The following CALN1 variants were observed in gnomAD, a reference collection of about 807,000 sequenced individuals.
CALN1 encodes the protein calneuron 1.
In CALN1, 17 loss-of-function variants were observed where a neutral mutation model predicts 30.6. The observed-to-expected ratio is 0.56, with a 90% CI of 0.38 to 0.83. The LOEUF is 0.83. CALN1 is among the 40% of genes least tolerant of loss of function. The pLI is 0.00. For synonymous variants in CALN1, 156 were observed against 131.4 expected, an observed-to-expected ratio of 1.19 and a Z score of -1.28; for missense variants, 291 against 354.9, an observed-to-expected ratio of 0.82 and a Z score of 1.45.
intron 3 of CALN1, among the ~76,000 whole-genome samples, chr7:72,229,828 T>C (rs1042009063): frequency 4.0e-5 from 6 of 151,772 alleles, no homozygotes; most frequent in Non-Finnish European, 7.4e-5. Flanking sequence ...AAATACATAA[T>C]GCATTTGCAG....
chr7:71,899,475 A>G (rs1793733458), intron 5 of CALN1, among the ~76,000 whole-genome samples: 1 of 152,184 alleles, frequency 6.6e-6, no homozygotes, highest in Admixed American at 6.5e-5. Context: ...AAGAAATGCT[A>G]ACAAGAAATT....
intron 3 of CALN1, among the ~76,000 whole-genome samples, chr7:72,180,779 T>C (rs916509437): frequency 4.0e-5 from 6 of 151,764 alleles, no homozygotes; most frequent in African/African-American, 1.5e-4. Flanking sequence ...GTTTATGCTT[T>C]TTAAGTGCCA....
the CALN1 span, among the ~76,000 whole-genome samples, chr7:72,488,053 T>C: frequency 6.6e-6 from 1 of 151,414 alleles, no homozygotes; most frequent in Non-Finnish European, 1.5e-5. Context: ...AATACCATGC[T>C]GGGCATGGTG....
intron 2 of CALN1, among the ~76,000 whole-genome samples, chr7:72,336,546 G>GC (rs1802052249): frequency 1.3e-5 from 2 of 152,146 alleles, no homozygotes; most frequent in Non-Finnish European, 2.9e-5. Flanking sequence ...GGAGCCAACA[G>GC]GTACGGGAGG....
At chr7:72,406,567 G>C (rs1306542114) in intron 1 of CALN1, among the ~76,000 whole-genome samples, 1 of 151,638 alleles carries the variant, frequency 6.6e-6, no homozygotes, top group East Asian at 1.9e-4. Context: ...CAGTCTTGAA[G>C]TTAGATCTCT....
chr7:71,976,537 G>A (rs1293459555), intron 5 of CALN1, among the ~76,000 whole-genome samples: 3 of 152,228 alleles, frequency 2.0e-5, no homozygotes, highest in Non-Finnish European at 2.9e-5. Flanking sequence ...AGCGCTGGGC[G>A]CAGGGATGGC....
intron 6 of CALN1, among the ~76,000 whole-genome samples, chr7:71,791,370 A>G (rs938907989): frequency 2.0e-5 from 3 of 152,198 alleles, no homozygotes; most frequent in Non-Finnish European, 2.9e-5. Context: ...TCTTCGAGGA[A>G]TCGCCACACT....
intron 5 of CALN1, among the ~76,000 whole-genome samples, chr7:71,975,197 G>A (rs1798044748): frequency 6.6e-6 from 1 of 152,146 alleles, no homozygotes; most frequent in Non-Finnish European, 1.5e-5. Context: ...CATTTAGGGA[G>A]GGATGTGAGC....
In CALN1 at chr7:72,023,764, C is replaced by T; in HGVS notation, c.394G>A (p.Gly132Ser). Residue 132 changes from glycine (G) to serine (S), a missense_variant, in exon 5 of 7, where the codon GGC (glycine) becomes AGC (serine). Physicochemically the swap from Gly to Ser is moderately conservative, Grantham distance 56 (BLOSUM62 0). This residue lies in a region of CALN1 where 169 missense variants were observed against 251.7 expected (regional missense o/e 0.67). Transcript: ENST00000395275. The part of the protein sequence containing the change: ...IMQRLDMDGD[G>S]QVDFDEFMTI... ...ATGAATTCATCAAAATCCACCTGGC[C>T]ATCCCCTGCAAGGAGAAGATGTAAA... is the stretch of plus-strand genomic sequence containing the variant. The T allele has an allele frequency of 6.2e-7, 1 of 1,613,358 alleles. No individual in the cohort carries two copies. The highest frequency in any genetic ancestry group is 1.1e-5 in the South Asian group (1 of 90,990).
intron 3 of CALN1, among the ~76,000 whole-genome samples, chr7:72,145,762 G>C (rs1482613822): frequency 1.3e-5 from 2 of 152,116 alleles, no homozygotes; most frequent in African/African-American, 2.4e-5. Context: ...ACATCAAAAA[G>C]CTTATCCACC....
the CALN1 span, among the ~76,000 whole-genome samples, chr7:72,477,833 T>G: frequency 3.9e-5 from 6 of 152,206 alleles, no homozygotes; most frequent in African/African-American, 1.4e-4. Context: ...CTCTTTTCAT[T>G]GCCTTGCCAA....
At chr7:72,195,433 G>A (rs776863600) in intron 3 of CALN1, among the ~76,000 whole-genome samples, 9 of 152,082 alleles carry the variant, frequency 5.9e-5, no homozygotes, top group East Asian at 1.9e-4. Context: ...GCTGGAGTGC[G>A]GTGATGCAAG....
chr7:71,981,923 T>C (rs1339531981), intron 5 of CALN1, among the ~76,000 whole-genome samples: 1 of 152,110 alleles, frequency 6.6e-6, no homozygotes, highest in Non-Finnish European at 1.5e-5. Context: ...AAAACACAGC[T>C]GAAGAGTTTT....
At chr7:72,007,663 T>C (rs1799849895) in intron 5 of CALN1, among the ~76,000 whole-genome samples, 1 of 152,234 alleles carries the variant, frequency 6.6e-6, no homozygotes, top group South Asian at 2.1e-4. Context: ...GTAAATTCCA[T>C]GAGTGCGAGA....
intron 5 of CALN1, among the ~76,000 whole-genome samples, chr7:71,966,002 A>G (rs1797512448): frequency 6.6e-6 from 1 of 151,644 alleles, no homozygotes; most frequent in South Asian, 2.1e-4. Context: ...ACTACCAGGG[A>G]GTATAATCTT....
At chr7:72,391,120 A>G (rs1805551705) in intron 2 of CALN1, among the ~76,000 whole-genome samples, 1 of 152,132 alleles carries the variant, frequency 6.6e-6, no homozygotes, top group South Asian at 2.1e-4. Context: ...TTGAGAGAGG[A>G]TGGAGTAAAA....
chr7:72,251,537 C>A (rs1795556660), intron 3 of CALN1, among the ~76,000 whole-genome samples: 1 of 152,064 alleles, frequency 6.6e-6, no homozygotes, highest in Non-Finnish European at 1.5e-5. Flanking sequence ...GCAGCTAAGA[C>A]TATGGGTACA....
chr7:72,414,466 C>T (rs1807360071), upstream of CALN1, among the ~76,000 whole-genome samples: 1 of 152,162 alleles, frequency 6.6e-6, no homozygotes, highest in South Asian at 2.1e-4. Context: ...TGGGTGGTGG[C>T]AAGACCCTCA....
chr7:72,077,811 A>T (rs182142783), intron 4 of CALN1, among the ~76,000 whole-genome samples: 1 of 152,284 alleles, frequency 6.6e-6, no homozygotes, highest in East Asian at 1.9e-4. Flanking sequence ...AGCAAACCAA[A>T]GCCATCACTT....
Sources: gnomAD v4.1 joint callset for allele counts (sites outside exome capture counted in the v4.1 genomes callset) on GRCh38, gnomAD v4.1.1 for gene constraint, gnomAD v4.1.1 regional missense constraint, MANE v1.5 for transcripts, NCBI Gene and HGNC (gene_info 2026-07-23, HGNC 2026-07-21) for gene names.